RDH12: variants seen among roughly 807,000 people sequenced by gnomAD.
The protein encoded by RDH12 is retinol dehydrogenase 12.
Under a neutral mutation model 34.0 loss-of-function variants are expected in RDH12, and 21 were observed. The observed-to-expected ratio is 0.62, with a 90% CI of 0.44 to 0.89. The LOEUF is 0.89. Ranked by LOEUF, RDH12 falls within the 40% of genes least tolerant of loss-of-function variation. The probability of loss-of-function intolerance (pLI) is 0.00; values close to 1 mark genes in which losing one functional copy is unlikely to be tolerated. For synonymous variants in RDH12, 198 were observed against 169.9 expected, an observed-to-expected ratio of 1.17 and a Z score of -1.29; for missense variants, 394 against 398.6, an observed-to-expected ratio of 0.99 and a Z score of 0.10.
chr14:67,708,834 C>A (rs1219089916), intron 1 of RDH12, among the ~76,000 whole-genome samples: 3 of 148,136 alleles, frequency 2.0e-5, no homozygotes, highest in Non-Finnish European at 4.4e-5. Context: ...CATTCTGTCG[C>A]CAAGCTGGAG....
intron 3 of RDH12, 131 bp downstream of exon 3, chr14:67,722,841 G>A: frequency 3.7e-6 from 3 of 817,998 alleles, no homozygotes; most frequent in Non-Finnish European, 6.3e-6. Context: ...AAAGCAGGAA[G>A]GAAGGGGGTG....
At chr14:67,729,740 A>G in intron 8 of RDH12, 1 of 509,658 alleles carries the variant, frequency 2.0e-6, no homozygotes, top group South Asian at 1.5e-5. Flanking sequence ...TTTAAATACC[A>G]ATTAGCACAA....
chr14:67,708,948 A>C (rs2037981086), intron 1 of RDH12, among the ~76,000 whole-genome samples: 1 of 152,010 alleles, frequency 6.6e-6, no homozygotes, highest in South Asian at 2.1e-4. Context: ...ATGCGCCACC[A>C]CACCCAGCTA....
At chr14:67,713,537 A>G (rs1323568580) in intron 1 of RDH12, among the ~76,000 whole-genome samples, 1 of 152,136 alleles carries the variant, frequency 6.6e-6, no homozygotes, top group East Asian at 1.9e-4. Flanking sequence ...GGTTTGAGCC[A>G]TAAAGTTAGC....
rs2038316620 is a variant in RDH12 at position 67,733,785 on chromosome 14, T to A, written c.888T>A (p.Asn296Lys). The change falls in exon 9 of 9, where the codon AAT (asparagine) becomes AAA (lysine). Residue 296 changes from asparagine to lysine, a missense_variant. Physicochemically the swap from Asn to Lys is moderately conservative, Grantham distance 94. Coordinates refer to ENST00000551171, the MANE Select transcript of RDH12 (RefSeq NM_152443.3). ...CCTGGGTGTCTCCAAGGGCCCGAAATAACAAAACAGCTGAGCGCCTATGGA... is the reference window on the plus strand; with the variant it reads ...CCTGGGTGTCTCCAAGGGCCCGAAAAAACAAAACAGCTGAGCGCCTATGGA... ...KRTWVSPRAR[N>K]NKTAERLWNV... The A allele has an allele frequency of 6.2e-7, 1 of 1,613,408 alleles. No individual in the cohort carries two copies. The highest frequency in any genetic ancestry group is 2.2e-5 in the East Asian group (1 of 44,848).
chr14:67,713,346 C>T lies in RDH12; in HGVS notation c.-274-7502C>T, dbSNP rs1016712822. 3.7e-5 allele frequency among the ~76,000 whole-genome samples: 5 copies of T among 133,926 alleles called. 1 individual carries two copies. The highest frequency in any genetic ancestry group is 4.7e-4 in the South Asian group (2 of 4,216). 87.9% of individuals were successfully genotyped at this position (133,926 alleles called of 152,430 possible). Reference sequence around the variant, plus strand: ...CATAAAGGAGTTACCTGCTTTCCATCGTCATGGAAGCAGAAAAACTTGCCT... The same window carrying T: ...CATAAAGGAGTTACCTGCTTTCCATTGTCATGGAAGCAGAAAAACTTGCCT... On this transcript the variant is annotated intron_variant, in intron 1 of 8. Transcript: ENST00000551171.
At chr14:67,717,252 T>TA (rs2038078654) in intron 1 of RDH12, among the ~76,000 whole-genome samples, 1 of 152,228 alleles carries the variant, frequency 6.6e-6, no homozygotes, top group Admixed American at 6.5e-5. Context: ...TGTTGAGAGA[T>TA]AGAACATTTC....
At chr14:67,710,730 T>C (rs2038000925) in intron 1 of RDH12, among the ~76,000 whole-genome samples, 1 of 152,032 alleles carries the variant, frequency 6.6e-6, no homozygotes, top group African/African-American at 2.4e-5. Flanking sequence ...GACACACTTT[T>C]TTTTTTAGAA....
At chr14:67,716,011 T>G (rs2038065707) in intron 1 of RDH12, among the ~76,000 whole-genome samples, 1 of 151,872 alleles carries the variant, frequency 6.6e-6, no homozygotes, top group African/African-American at 2.4e-5. Flanking sequence ...CTGGCTAACA[T>G]GGTGAAACCC....
chr14:67,722,738 A>G, intron 3 of RDH12, 28 bp downstream of exon 3: 1 of 1,585,584 alleles, frequency 6.3e-7, no homozygotes. Flanking sequence ...AACTCAAACA[A>G]TCGTTTACAA....
chr14:67,731,207 C>CTTTTTTTTTTTTT (rs71129853), intron 8 of RDH12, among the ~76,000 whole-genome samples: 4 of 90,618 alleles, frequency 4.4e-5, no homozygotes, highest in Non-Finnish European at 6.0e-5. Context: ...TTCTTTCTTT[C>CTTTTTTTTTTTTT]TTTTTTTTTT....
chr14:67,730,718 C>G (rs2038258804), intron 8 of RDH12, among the ~76,000 whole-genome samples: 1 of 152,138 alleles, frequency 6.6e-6, no homozygotes, highest in Non-Finnish European at 1.5e-5. Context: ...ATTCTCCTGA[C>G]TCAGCCTCCT....
chr14:67,710,708 T>C (rs955687353), intron 1 of RDH12, among the ~76,000 whole-genome samples: 3 of 151,810 alleles, frequency 2.0e-5, no homozygotes, highest in Non-Finnish European at 4.4e-5. Context: ...AATTTTTCAC[T>C]TTTTTTTAAA....
chr14:67,725,287 A>G, intron 5 of RDH12, 33 bp downstream of exon 5: 1 of 1,611,052 alleles, frequency 6.2e-7, no homozygotes, highest in Non-Finnish European at 8.5e-7. Flanking sequence ...GAAAAGCAGG[A>G]AATTGGGTAT....
intron 8 of RDH12, 52 bp downstream of exon 8, chr14:67,729,432 C>A: frequency 6.5e-7 from 1 of 1,545,328 alleles, no homozygotes; most frequent in South Asian, 1.1e-5. Flanking sequence ...TGGGAGGTGC[C>A]GGACTCGCTG....
chr14:67,716,152 ACG>A, intron 1 of RDH12, among the ~76,000 whole-genome samples: 1 of 151,684 alleles, frequency 6.6e-6, no homozygotes, highest in East Asian at 1.9e-4. Flanking sequence ...GGCCGAGATC[ACG>A]CCACTGCACT....
At chr14:67,709,849 A>G (rs1348396163) in intron 1 of RDH12, among the ~76,000 whole-genome samples, 1 of 152,168 alleles carries the variant, frequency 6.6e-6, no homozygotes, top group Non-Finnish European at 1.5e-5. Flanking sequence ...GAAAGGAAAT[A>G]TCTTGGGCCC....
intron 6 of RDH12, 132 bp from the exon 7 acceptor site, chr14:67,726,849 G>C (rs1234220461): frequency 2.7e-6 from 2 of 754,606 alleles, no homozygotes; most frequent in Non-Finnish European, 4.6e-6. Flanking sequence ...CTGACCATTA[G>C]AGTTACTCAT....
At chr14:67,716,233 A>G (rs1374602491) in intron 1 of RDH12, among the ~76,000 whole-genome samples, 2 of 151,762 alleles carry the variant, frequency 1.3e-5, no homozygotes, top group Admixed American at 6.6e-5. Context: ...GAAATTGCCT[A>G]ACTAAGTTAT....
Sources: gnomAD v4.1 joint callset for allele counts (sites outside exome capture counted in the v4.1 genomes callset) on GRCh38, gnomAD v4.1.1 for gene constraint, MANE v1.5 for transcripts, NCBI Gene and HGNC (gene_info 2026-07-23, HGNC 2026-07-21) for gene names.